WHR1: variants seen among roughly 807,000 people sequenced by gnomAD.
WHR1 encodes the protein winged helix repair factor 1.
the WHR1 span, among the ~76,000 whole-genome samples, chr6:31,977,338 A>ATTT: frequency 9.4e-5 from 12 of 127,442 alleles, no homozygotes; most frequent in Non-Finnish European, 1.5e-4. Flanking sequence ...CGCCCAGCTA[A>ATTT]TTTTTTTTTT....
the WHR1 span, chr6:31,972,593 C>T: frequency 6.3e-7 from 1 of 1,599,358 alleles, no homozygotes; most frequent in South Asian, 1.1e-5. This position sits in a 1 kb window ranked among gnomAD's most constrained non-coding sequence, Gnocchi z 6.3. Context: ...CCCCAGTTCC[C>T]TGTCCGTGAG....
At chr6:31,978,863 C>G in the WHR1 span, 3 of 1,597,156 alleles carry the variant, frequency 1.9e-6, no homozygotes, top group Admixed American at 5.0e-5. Context: ...AGCATCTTAC[C>G]CTGATACGCC....
the WHR1 span, among the ~76,000 whole-genome samples, chr6:31,976,395 C>T: frequency 1.3e-5 from 2 of 151,954 alleles, no homozygotes; most frequent in African/African-American, 2.4e-5. Context: ...ACCCTCCTCA[C>T]CTCCCAGACG....
chr6:31,975,233 G>A, the WHR1 span, among the ~76,000 whole-genome samples: 8 of 145,026 alleles, frequency 5.5e-5, no homozygotes, highest in South Asian at 8.7e-4. Context: ...GTGGAGTGTC[G>A]CTCTGTTGCC....
the WHR1 span, chr6:31,979,783 G>A: frequency 1.9e-6 from 1 of 516,502 alleles, no homozygotes; most frequent in Middle Eastern, 5.3e-4. Context: ...AGTTCTTGGT[G>A]GCTTATCAAA....
At chr6:31,977,831 T>G in the WHR1 span, among the ~76,000 whole-genome samples, 2 of 152,016 alleles carry the variant, frequency 1.3e-5, no homozygotes, top group Non-Finnish European at 2.9e-5. Context: ...TCTCACTCTG[T>G]CACCCAGGCT....
chr6:31,972,500 G>T, the WHR1 span: 2 of 1,608,668 alleles, frequency 1.2e-6, no homozygotes, highest in Non-Finnish European at 1.7e-6. The surrounding 1 kb of genome is among the most constrained non-coding windows in gnomAD (Gnocchi z 6.3). Flanking sequence ...GATCCTCTTC[G>T]GGGTGAGCCA....
At chr6:31,975,902 C>CGG in the WHR1 span, among the ~76,000 whole-genome samples, 2 of 144,380 alleles carry the variant, frequency 1.4e-5, no homozygotes, top group African/African-American at 2.6e-5. Context: ...GCTGGCCGGG[C>CGG]GGGGGGCTGA....
chr6:31,977,850 G>T, the WHR1 span, among the ~76,000 whole-genome samples: 5 of 151,938 alleles, frequency 3.3e-5, no homozygotes, highest in Non-Finnish European at 5.9e-5. Flanking sequence ...CTGGAGCGCA[G>T]TGGCATGATC....
the WHR1 span, chr6:31,979,264 G>C: frequency 1.1e-6 from 1 of 881,432 alleles, no homozygotes; most frequent in South Asian, 1.7e-5. Context: ...AAGAGGGGGA[G>C]GAGGATGAAG....
chr6:31,977,657 T>C, the WHR1 span, among the ~76,000 whole-genome samples: 1 of 152,068 alleles, frequency 6.6e-6, no homozygotes, highest in Non-Finnish European at 1.5e-5. Context: ...CCTATTTTTG[T>C]ATTTTTAATG....
the WHR1 span, among the ~76,000 whole-genome samples, chr6:31,977,585 G>A: frequency 1.3e-5 from 2 of 151,712 alleles, no homozygotes; most frequent in Non-Finnish European, 2.9e-5. Context: ...TCCGGACCTC[G>A]TGATCCACCC....
chr6:31,975,917 C>T, the WHR1 span, among the ~76,000 whole-genome samples: 42 of 144,140 alleles, frequency 2.9e-4, no homozygotes, highest in Middle Eastern at 3.9e-3. Context: ...GGCTGACCCC[C>T]CCACCTCCCT....
chr6:31,979,569 C>A, the WHR1 span: 1 of 1,611,948 alleles, frequency 6.2e-7, no homozygotes, highest in South Asian at 1.1e-5. Context: ...ACTTGTGGAA[C>A]CAACCAAAGT....
At chr6:31,971,800 C>T in the WHR1 span, 1 of 1,318,310 alleles carries the variant, frequency 7.6e-7, no homozygotes, top group Admixed American at 2.8e-5. The surrounding 1 kb of genome is among the most constrained non-coding windows in gnomAD (Gnocchi z 4.5). Context: ...CATTCAGGCC[C>T]CTCAGACGCC....
the WHR1 span, chr6:31,979,056 G>T: frequency 1.3e-6 from 2 of 1,560,324 alleles, no homozygotes; most frequent in Non-Finnish European, 1.8e-6. Context: ...GGGGAGACAG[G>T]GAACTTGGGA....
the WHR1 span, chr6:31,972,941 C>A: frequency 1.9e-6 from 2 of 1,036,164 alleles, no homozygotes; most frequent in Non-Finnish European, 2.9e-6. This position sits in a 1 kb window ranked among gnomAD's most constrained non-coding sequence, Gnocchi z 6.3. Flanking sequence ...CATTTCAAAT[C>A]ATGGAGGTAG....
chr6:31,980,341 T>C, the WHR1 span: 1 of 1,005,476 alleles, frequency 9.9e-7, no homozygotes, highest in Non-Finnish European at 1.4e-6. Flanking sequence ...CCAGTCTCTC[T>C]TGCATGGTTG....
the WHR1 span, chr6:31,971,807 C>T: frequency 1.5e-6 from 2 of 1,322,892 alleles, no homozygotes; most frequent in Non-Finnish European, 2.0e-6. This position sits in a 1 kb window ranked among gnomAD's most constrained non-coding sequence, Gnocchi z 4.5. Context: ...GCCCCTCAGA[C>T]GCCACCGCGG....
Sources: gnomAD v4.1 joint callset for allele counts (sites outside exome capture counted in the v4.1 genomes callset) on GRCh38, gnomAD v4.1.1 for gene constraint, Gnocchi (gnomAD v3.1) non-coding constraint, MANE v1.5 for transcripts, NCBI Gene and HGNC (gene_info 2026-07-23, HGNC 2026-07-21) for gene names.